CFAP299: variants seen among roughly 807,000 people sequenced by gnomAD.
CFAP299 encodes cilia- and flagella-associated protein 299.
In CFAP299, 21 loss-of-function variants were observed where a neutral mutation model predicts 27.0. That is an observed-to-expected ratio of 0.78 (90% confidence interval 0.55 to 1.12). The LOEUF is 1.12. Among genes scored for constraint, CFAP299 ranks in the 50% most tolerant of loss-of-function variants. The pLI is 0.00. For missense variants in CFAP299, 310 were observed against 276.6 expected (o/e 1.12, Z -0.86); for synonymous variants, 104 against 98.1 (o/e 1.06, Z -0.36).
At chr4:80,744,996 CA>C (rs550708928) in intron 3 of CFAP299, among the ~76,000 whole-genome samples, 2 of 151,012 alleles carry the variant, frequency 1.3e-5, no homozygotes, top group Admixed American at 6.6e-5. Context: ...AGTGAAATCT[CA>C]AAAAAAAATT....
intron 3 of CFAP299, among the ~76,000 whole-genome samples, chr4:80,810,024 T>C (rs1396526557): frequency 2.0e-5 from 3 of 152,038 alleles, no homozygotes; most frequent in Admixed American, 6.6e-5. Context: ...ATTAATAATA[T>C]ATGTAAAACA....
At chr4:80,502,575 T>A (rs551786775) in intron 2 of CFAP299, among the ~76,000 whole-genome samples, 2 of 152,188 alleles carry the variant, frequency 1.3e-5, no homozygotes, top group East Asian at 3.9e-4. Flanking sequence ...CTGTATAGCA[T>A]TTGTCACTTA....
In CFAP299 at chr4:80,651,280, T is replaced by TA. The variant is rs1553944563; in HGVS notation, c.333+68097_333+68098insA. ...CTTCCTTTCTTTCTCTTTCTCTCTT[T>TA]CTCTCTCTTACTCTCTCTCTCTTTC... On this transcript the variant is annotated intron_variant, in intron 3 of 5. Coordinates refer to ENST00000358105, the MANE Select transcript of CFAP299 (RefSeq NM_152770.3). Among the ~76,000 whole-genome samples the TA allele has an allele frequency of 7.5e-4, 91 of 120,546 alleles. 1 individual carries two copies. The highest frequency in any genetic ancestry group is 2.1e-3 in the African/African-American group (84 of 39,114). 79.1% of individuals were successfully genotyped at this position (120,546 alleles called of 152,430 possible).
chr4:80,579,797 T>TA (rs1736074643), intron 2 of CFAP299, among the ~76,000 whole-genome samples: 1 of 152,072 alleles, frequency 6.6e-6, no homozygotes, highest in South Asian at 2.1e-4. Flanking sequence ...TACACAAATA[T>TA]ATAGATACAT....
At chr4:80,770,543 A>G (rs183448262) in intron 3 of CFAP299, among the ~76,000 whole-genome samples, 27 of 152,322 alleles carry the variant, frequency 1.8e-4, no homozygotes, top group African/African-American at 6.5e-4. Context: ...TTAAAAACCA[A>G]CTAATATTTC....
chr4:80,904,908 T>C (rs1308292457), intron 4 of CFAP299, among the ~76,000 whole-genome samples: 2 of 151,922 alleles, frequency 1.3e-5, no homozygotes, highest in Non-Finnish European at 2.9e-5. Context: ...GGCAAGAAAA[T>C]GCACATGCTT....
At chr4:80,701,070 C>T (rs1721446115) in intron 3 of CFAP299, among the ~76,000 whole-genome samples, 2 of 151,756 alleles carry the variant, frequency 1.3e-5, no homozygotes, top group South Asian at 4.2e-4. Context: ...TGTCTGGTAC[C>T]CAAGTTCATA....
chr4:80,583,203 C>G lies in CFAP299; in HGVS notation c.333+20C>G. On this transcript the variant is annotated intron_variant, in intron 3 of 5. Coordinates refer to ENST00000358105, the MANE Select transcript of CFAP299 (RefSeq NM_152770.3). ...CTGAGTGTAAGTACATTTCATCCAA[C>G]AGCTTAAAATGTATACACTAAATGC... 6.7e-7 allele frequency: 1 copy of G among 1,497,514 alleles called. No homozygotes were observed. Among genetic ancestry groups the G allele is most frequent in the Admixed American group, 1.7e-5 (1 of 58,146 alleles). The allele number at this position is 1,497,514 out of a possible 1,614,324, so 92.8% of individuals were successfully genotyped here.
intron 3 of CFAP299, among the ~76,000 whole-genome samples, chr4:80,641,438 G>A (rs1452465843): frequency 6.6e-6 from 1 of 151,910 alleles, no homozygotes; most frequent in Non-Finnish European, 1.5e-5. Flanking sequence ...CTCCTGACTT[G>A]GTGATCCACC....
chr4:80,403,835 T>TA lies in CFAP299; in HGVS notation c.242+40952dup, dbSNP rs1044492480. Among the ~76,000 whole-genome samples, 35 of 152,192 alleles carry TA rather than the reference T, an allele frequency of 2.3e-4. 1 individual carries two copies. The highest frequency in any genetic ancestry group is 7.2e-4 in the African/African-American group (30 of 41,444). On this transcript the variant is annotated intron_variant, in intron 2 of 5. Coordinates refer to ENST00000358105, the MANE Select transcript of CFAP299 (RefSeq NM_152770.3). ...ACCTCTGTCTTATCAGAATCAGTCA[T>TA]AGCACCTGTTAAATATTAGGTTGTC...
chr4:80,794,514 C>T (rs547883505), intron 3 of CFAP299, among the ~76,000 whole-genome samples: 1 of 152,218 alleles, frequency 6.6e-6, no homozygotes, highest in Non-Finnish European at 1.5e-5. Context: ...ACGTAGTTGG[C>T]ATTGTAATTG....
At chr4:80,403,641 A>C (rs994592466) in intron 2 of CFAP299, among the ~76,000 whole-genome samples, 2 of 152,236 alleles carry the variant, frequency 1.3e-5, no homozygotes, top group East Asian at 1.9e-4. Flanking sequence ...CCAACTGTTC[A>C]TCTAAACCAG....
intron 4 of CFAP299, among the ~76,000 whole-genome samples, chr4:80,886,111 C>T (rs1733957542): frequency 6.6e-6 from 1 of 152,160 alleles, no homozygotes; most frequent in South Asian, 2.1e-4. Flanking sequence ...CAGGGAGTGG[C>T]TCCTCTGCCT....
chr4:80,677,296 T>G (rs1170669771), intron 3 of CFAP299, among the ~76,000 whole-genome samples: 3 of 152,126 alleles, frequency 2.0e-5, no homozygotes, highest in Admixed American at 6.6e-5. Context: ...TTTATTATAT[T>G]ATGATCTGAA....
chr4:80,522,297 G>C (rs1306102611), intron 2 of CFAP299, among the ~76,000 whole-genome samples: 1 of 151,798 alleles, frequency 6.6e-6, no homozygotes, highest in African/African-American at 2.4e-5. Context: ...TCATTTATAT[G>C]TCTTCTTTAG....
chr4:80,734,716 A>G (rs1723755719), intron 3 of CFAP299, among the ~76,000 whole-genome samples: 1 of 152,258 alleles, frequency 6.6e-6, no homozygotes, highest in African/African-American at 2.4e-5. Flanking sequence ...TGATCATTGA[A>G]GAGACTGTCG....
intron 2 of CFAP299, among the ~76,000 whole-genome samples, chr4:80,451,924 A>G (rs1377925061): frequency 1.3e-5 from 2 of 152,236 alleles, no homozygotes; most frequent in African/African-American, 4.8e-5. Context: ...ACTAGGTCCT[A>G]TAGTAAACAC....
At chr4:80,884,818 C>G (rs948000810) in intron 4 of CFAP299, among the ~76,000 whole-genome samples, 4 of 152,114 alleles carry the variant, frequency 2.6e-5, no homozygotes, top group Non-Finnish European at 5.9e-5. Flanking sequence ...CCCCCATTCA[C>G]TGGAACACCA....
chr4:80,931,517 G>C (rs1736615076), intron 4 of CFAP299, among the ~76,000 whole-genome samples: 1 of 152,086 alleles, frequency 6.6e-6, no homozygotes, highest in African/African-American at 2.4e-5. Context: ...ACTTGAAGCA[G>C]GCCATGTCTC....
Sources: gnomAD v4.1 joint callset for allele counts (sites outside exome capture counted in the v4.1 genomes callset) on GRCh38, gnomAD v4.1.1 for gene constraint, MANE v1.5 for transcripts, NCBI Gene and HGNC (gene_info 2026-07-23, HGNC 2026-07-21) for gene names.